EDNRB: variants seen among roughly 807,000 people sequenced by gnomAD.
EDNRB encodes Hirschsprung disease 2.
EDNRB carries 18 observed loss-of-function variants against 46.4 expected under a neutral mutation model. That is an observed-to-expected ratio of 0.39 (90% confidence interval 0.27 to 0.57). The LOEUF is 0.57. EDNRB is among the 20% of genes least tolerant of loss of function. EDNRB has a pLI of 0.61. For synonymous variants in EDNRB, 213 were observed against 204.9 expected, an observed-to-expected ratio of 1.04 and a Z score of -0.34; for missense variants, 434 against 537.5, an observed-to-expected ratio of 0.81 and a Z score of 1.90.
intron 1 of EDNRB, among the ~76,000 whole-genome samples, chr13:77,938,025 A>T (rs1880620340): frequency 6.6e-6 from 1 of 152,158 alleles, no homozygotes; most frequent in African/African-American, 2.4e-5. Context: ...ATTTGGAACA[A>T]CTGTCAAGTT....
At chr13:77,963,921 C>T (rs1881502301) in intron 1 of EDNRB, among the ~76,000 whole-genome samples, 1 of 152,042 alleles carries the variant, frequency 6.6e-6, no homozygotes, top group Admixed American at 6.6e-5. Flanking sequence ...AACAAATTTA[C>T]AAGAAAAAAA....
chr13:77,921,414 T>C (rs1384331609), upstream of EDNRB, among the ~76,000 whole-genome samples: 24 of 152,220 alleles, frequency 1.6e-4, no homozygotes. Flanking sequence ...CAGTACCTCA[T>C]TGATTCTCTG....
At chr13:77,900,755 G>T (rs571492508) in intron 4 of EDNRB, 101 bp from the exon 5 acceptor site, 143 of 1,535,272 alleles carry the variant, frequency 9.3e-5, no homozygotes, top group Non-Finnish European at 1.2e-4. Flanking sequence ...AAAAGTCAGT[G>T]GCATATGTAA....
At position 77,918,782 on chromosome 13, in the gene EDNRB, G is replaced by T; in HGVS notation, c.-209C>A. The T allele has an allele frequency of 1.5e-6, 2 of 1,326,300 alleles. No individual in the cohort carries two copies. Among genetic ancestry groups the T allele is most frequent in the Non-Finnish European group, 1.9e-6 (2 of 1,044,082 alleles). 82.2% of individuals were successfully genotyped at this position (1,326,300 alleles called of 1,614,324 possible). A position where few individuals can be genotyped will look rare whatever the true frequency, so the allele number is the denominator to read the frequency against. ...GTGGGAAACTTGGCGCTCATGACTCGCCAGCGCGGGTCGAAACTCCTTCCT... is the reference window on the plus strand; with the variant it reads ...GTGGGAAACTTGGCGCTCATGACTCTCCAGCGCGGGTCGAAACTCCTTCCT... On this transcript the variant is annotated 5_prime_UTR_variant, in exon 1 of 7. Transcript: ENST00000646607. The surrounding 1 kb of genome is among the most constrained non-coding windows in gnomAD (Gnocchi z 4.5).
chr13:77,939,567 T>A (rs555622141), intron 1 of EDNRB: 2 of 152,372 alleles, frequency 1.3e-5, no homozygotes, highest in East Asian at 3.9e-4. Flanking sequence ...TGTTCCATGA[T>A]GCCTATCTTA....
At chr13:77,946,811 C>T (rs1203531187) in intron 1 of EDNRB, among the ~76,000 whole-genome samples, 2 of 152,222 alleles carry the variant, frequency 1.3e-5, no homozygotes, top group African/African-American at 4.8e-5. Context: ...TACTCCCACC[C>T]TCACTTCCAT....
intron 1 of EDNRB, among the ~76,000 whole-genome samples, chr13:77,908,043 A>AAGAGAGAG (rs1555291126): frequency 1.4e-5 from 1 of 72,448 alleles, no homozygotes; most frequent in African/African-American, 6.0e-5. Flanking sequence ...AAAAAAAAAA[A>AAGAGAGAG]AGAGAGAGAG....
intron 1 of EDNRB, among the ~76,000 whole-genome samples, chr13:77,955,678 T>A (rs1476479908): frequency 6.6e-6 from 1 of 152,196 alleles, no homozygotes; most frequent in Non-Finnish European, 1.5e-5. Context: ...TCAATTTCAT[T>A]CTTTTGCTTG....
upstream of EDNRB, chr13:77,919,199 C>T: frequency 1.6e-6 from 1 of 634,440 alleles, no homozygotes. Context: ...CTCAAGTCAG[C>T]AGGAACTTGG....
intron 1 of EDNRB, among the ~76,000 whole-genome samples, chr13:77,933,919 A>G (rs1004867282): frequency 1.3e-5 from 2 of 152,214 alleles, no homozygotes; most frequent in Non-Finnish European, 2.9e-5. Context: ...ACTAAACAGA[A>G]TAAAAGAAGG....
intron 1 of EDNRB, among the ~76,000 whole-genome samples, chr13:77,915,921 T>C (rs1284121875): frequency 6.6e-6 from 1 of 152,196 alleles, no homozygotes; most frequent in African/African-American, 2.4e-5. Context: ...TATGGGAGTT[T>C]GAAATGAAAG....
intron 1 of EDNRB, among the ~76,000 whole-genome samples, chr13:77,957,411 C>A (rs957380663): frequency 3.9e-5 from 6 of 152,142 alleles, no homozygotes; most frequent in Non-Finnish European, 5.9e-5. Flanking sequence ...GCATAAAGGT[C>A]ATAATTTTGA....
chr13:77,963,677 T>A (rs1460841562), intron 1 of EDNRB, among the ~76,000 whole-genome samples: 7 of 151,864 alleles, frequency 4.6e-5, no homozygotes, highest in Admixed American at 6.6e-5. Flanking sequence ...CTAGAAGAAA[T>A]CCTAGGCAAT....
At chr13:77,906,337 C>A (rs1879277025) in intron 1 of EDNRB, among the ~76,000 whole-genome samples, 1 of 152,010 alleles carries the variant, frequency 6.6e-6, no homozygotes, top group South Asian at 2.1e-4. Flanking sequence ...TTATGCTAGA[C>A]CCAGCCTGGT....
At chr13:77,917,045 C>T (rs1037667103) in intron 1 of EDNRB, among the ~76,000 whole-genome samples, 3 of 152,034 alleles carry the variant, frequency 2.0e-5, no homozygotes, top group Non-Finnish European at 4.4e-5. Context: ...CAACCTGGCT[C>T]TTTGTGTGTT....
intron 5 of EDNRB, among the ~76,000 whole-genome samples, chr13:77,900,221 G>A (rs1878877842): frequency 6.6e-6 from 1 of 151,762 alleles, no homozygotes; most frequent in South Asian, 2.1e-4. Flanking sequence ...ATCTCATTTG[G>A]AAGTACTGAA....
At chr13:77,922,874 T>A (rs1303175315), upstream of EDNRB, among the ~76,000 whole-genome samples, 1 of 152,178 alleles carries the variant, frequency 6.6e-6, no homozygotes, top group Non-Finnish European at 1.5e-5. Context: ...TGGTAAAATT[T>A]GAATATTTTA....
At chr13:77,916,831 T>TTGC (rs146176595) in intron 1 of EDNRB, among the ~76,000 whole-genome samples, 70 of 152,176 alleles carry the variant, frequency 4.6e-4, no homozygotes, top group African/African-American at 5.8e-4. Flanking sequence ...CAACTTTCTA[T>TTGC]TGCTGCTGCT....
At chr13:77,974,195 C>T (rs963734224) in intron 1 of EDNRB, among the ~76,000 whole-genome samples, 1 of 151,768 alleles carries the variant, frequency 6.6e-6, no homozygotes, top group Non-Finnish European at 1.5e-5. Flanking sequence ...ACAGAATAGC[C>T]CCTTGCTTTA....
Sources: gnomAD v4.1 joint callset for allele counts (sites outside exome capture counted in the v4.1 genomes callset) on GRCh38, gnomAD v4.1.1 for gene constraint, Gnocchi (gnomAD v3.1) non-coding constraint, MANE v1.5 for transcripts, NCBI Gene and HGNC (gene_info 2026-07-23, HGNC 2026-07-21) for gene names.